PRDM1: variants seen among roughly 807,000 people sequenced by gnomAD.
PRDM1 encodes PR/SET domain 1.
PRDM1 carries 13 observed loss-of-function variants against 62.8 expected under a neutral mutation model. That is an observed-to-expected ratio of 0.21 (90% confidence interval 0.13 to 0.33). The LOEUF is 0.33. PRDM1 is among the 10% of genes least tolerant of loss of function. The pLI, the probability that PRDM1 is intolerant of heterozygous loss-of-function variation, is 1.00. For synonymous variants in PRDM1, 396 were observed against 417.6 expected (o/e 0.95, Z 0.63); for missense variants, 895 against 1,058.8 (o/e 0.85, Z 2.15).
chr6:106,085,209 TG>T (rs367967023), upstream of PRDM1, among the ~76,000 whole-genome samples: 203 of 152,172 alleles, frequency 1.3e-3, no homozygotes, highest in Admixed American at 9.3e-3. Context: ...TGTGTGTGGG[TG>T]GATGTGTGTG....
intron 1 of PRDM1, among the ~76,000 whole-genome samples, chr6:106,026,203 G>A (rs992320542): frequency 6.6e-6 from 1 of 152,180 alleles, no homozygotes. Context: ...AAATGGCCGG[G>A]TGCAGTGACT....
chr6:106,051,704 T>A (rs1045731031), intron 1 of PRDM1, among the ~76,000 whole-genome samples: 7 of 152,076 alleles, frequency 4.6e-5, no homozygotes, highest in East Asian at 3.9e-4. Flanking sequence ...GATTCTGGAG[T>A]CTGAGCCCTT....
intron 1 of PRDM1, among the ~76,000 whole-genome samples, chr6:106,055,329 A>T (rs1773247177): frequency 6.6e-6 from 1 of 152,174 alleles, no homozygotes; most frequent in Admixed American, 6.5e-5. Context: ...TCTGATCATT[A>T]CTTTGGGAAG....
chr6:106,042,004 C>T (rs1459509483), intron 1 of PRDM1, among the ~76,000 whole-genome samples: 1 of 151,044 alleles, frequency 6.6e-6, no homozygotes, highest in East Asian at 2.0e-4. Context: ...GATGGGGTTT[C>T]ACTATATTTC....
At chr6:106,071,501 G>T (rs2114601339) in intron 1 of PRDM1, among the ~76,000 whole-genome samples, 1 of 152,148 alleles carries the variant, frequency 6.6e-6, no homozygotes, top group South Asian at 2.1e-4. Context: ...TTGATTTTCT[G>T]GTACTGGATA....
At chr6:106,031,064 A>G (rs1300374319) in intron 1 of PRDM1, among the ~76,000 whole-genome samples, 2 of 151,124 alleles carry the variant, frequency 1.3e-5, no homozygotes, top group Non-Finnish European at 2.9e-5. Context: ...GTAATAAAAA[A>G]GTTTGTTTTG....
chr6:106,056,642 G>T (rs1329655252), intron 1 of PRDM1, among the ~76,000 whole-genome samples: 1 of 152,194 alleles, frequency 6.6e-6, no homozygotes, highest in African/African-American at 2.4e-5. Context: ...TTAATTAGAA[G>T]GGTGGGACCA....
At chr6:106,032,704 G>A (rs980977036) in intron 1 of PRDM1, among the ~76,000 whole-genome samples, 9 of 151,294 alleles carry the variant, frequency 5.9e-5, no homozygotes, top group African/African-American at 2.2e-4. Flanking sequence ...GCTTCCCAAA[G>A]TGCTGGGATT....
At chr6:106,084,448 T>C (rs1773751951), upstream of PRDM1, among the ~76,000 whole-genome samples, 3 of 152,240 alleles carry the variant, frequency 2.0e-5, no homozygotes, top group African/African-American at 7.2e-5. Flanking sequence ...AGCAAATATT[T>C]GGCTTAAAAT....
rs747117390 is a variant in PRDM1 at position 106,109,556 on chromosome 6, A to G, written c.*2070A>G. Reference sequence around the variant, plus strand: ...TTCCAAGACTGACAGCTTTTTATGTATCAGTGTTTGATAAACACAGTCCTT... The same window carrying G: ...TTCCAAGACTGACAGCTTTTTATGTGTCAGTGTTTGATAAACACAGTCCTT... On this transcript the variant is annotated 3_prime_UTR_variant, in exon 7 of 7. Transcript: ENST00000369096. 3.0e-5 allele frequency: 7 copies of G among 233,592 alleles called. No individual in the cohort carries two copies. The highest frequency in any genetic ancestry group is 4.2e-5 in the Non-Finnish European group (5 of 117,998). The allele number at this position is 233,592 out of a possible 1,614,324, so 14.5% of individuals were successfully genotyped here.
intron 1 of PRDM1, among the ~76,000 whole-genome samples, chr6:106,022,304 G>A (rs1772705127): frequency 6.6e-6 from 1 of 152,162 alleles, no homozygotes; most frequent in African/African-American, 2.4e-5. Context: ...CTAGGCTGGA[G>A]TATGGTGGCA....
intron 1 of PRDM1, among the ~76,000 whole-genome samples, chr6:106,031,893 C>A (rs1031293662): frequency 2.0e-5 from 3 of 152,120 alleles, no homozygotes; most frequent in African/African-American, 4.8e-5. Flanking sequence ...ATTCCCATCC[C>A]AGTTTTGTTT....
intron 1 of PRDM1, among the ~76,000 whole-genome samples, chr6:106,026,668 TCTTA>T (rs1426896204): frequency 6.6e-6 from 1 of 152,170 alleles, no homozygotes; most frequent in Non-Finnish European, 1.5e-5. Context: ...ATAATTAGCT[TCTTA>T]CTTCTTAACT....
chr6:106,104,218 T>C (rs1429720614), intron 4 of PRDM1, among the ~76,000 whole-genome samples: 1 of 151,970 alleles, frequency 6.6e-6, no homozygotes, highest in East Asian at 1.9e-4. Context: ...TTTTTTTTTT[T>C]TTTCTTTTTT....
intron 1 of PRDM1, among the ~76,000 whole-genome samples, chr6:106,079,787 A>T (rs1773663779): frequency 6.6e-6 from 1 of 152,170 alleles, no homozygotes; most frequent in African/African-American, 2.4e-5. Flanking sequence ...GACAGAGCAA[A>T]ACTCTTTCTC....
At chr6:106,053,865 T>C (rs150260269) in intron 1 of PRDM1, among the ~76,000 whole-genome samples, 1,926 of 125,424 alleles carry the variant, frequency 0.015, 49 homozygotes, top group African/African-American at 0.054. Context: ...ATACTCTGGG[T>C]AGAAAGTTCA....
At chr6:106,033,207 A>T (rs1772874615) in intron 1 of PRDM1, among the ~76,000 whole-genome samples, 1 of 152,028 alleles carries the variant, frequency 6.6e-6, no homozygotes, top group Admixed American at 6.5e-5. Flanking sequence ...TGGCACAATC[A>T]TAGCTCACTG....
chr6:106,053,414 TTA>T (rs1391240107), intron 1 of PRDM1, among the ~76,000 whole-genome samples: 3 of 152,108 alleles, frequency 2.0e-5, no homozygotes, highest in Non-Finnish European at 4.4e-5. Flanking sequence ...CTTCTCCCCT[TTA>T]TATGTTTTTT....
Position 106,102,077 on chromosome 6 carries a change from CT to C in PRDM1, c.664+2528del, listed in dbSNP as rs570985373. ...TTTCTCAGTTTCAGTTGAAAAGAGACTTTGTTTTGCCTACTGCAGAACTTCT... is the reference window on the plus strand; with the variant it reads ...TTTCTCAGTTTCAGTTGAAAAGAGACTTGTTTTGCCTACTGCAGAACTTCT... On this transcript the variant is annotated intron_variant, in intron 4 of 6. Transcript: ENST00000369096. Among the ~76,000 whole-genome samples, 414 of 152,276 alleles carry C rather than the reference CT, an allele frequency of 2.7e-3. 1 individual carries two copies. The Middle Eastern group carries it at 0.041, about 15-fold the overall frequency.
Sources: allele counts gnomAD v4.1 joint callset (sites outside exome capture counted in the v4.1 genomes callset), GRCh38; gene constraint gnomAD v4.1.1; transcripts MANE v1.5; gene names NCBI Gene and HGNC (gene_info 2026-07-23, HGNC 2026-07-21).